Variants in L3MBTL4 observed in about 807,000 individuals in gnomAD.
L3MBTL4 encodes L3MBTL histone methyl-lysine binding protein 4.
L3MBTL4 carries 70 observed loss-of-function variants against 84.5 expected under a neutral mutation model. That is an observed-to-expected ratio of 0.83 (90% CI 0.68 to 1.01). L3MBTL4 has a LOEUF of 1.01. Ranked by LOEUF, L3MBTL4 falls within the 50% of genes least tolerant of loss-of-function variation. The pLI, the probability that L3MBTL4 is intolerant of heterozygous loss-of-function variation, is 0.00. For missense variants in L3MBTL4, 715 were observed against 754.8 expected, an observed-to-expected ratio of 0.95 and a Z score of 0.62; for synonymous variants, 274 against 259.8, an observed-to-expected ratio of 1.05 and a Z score of -0.52.
intron 16 of L3MBTL4, among the ~76,000 whole-genome samples, chr18:6,053,570 T>C (rs981454274): frequency 5.9e-5 from 9 of 152,238 alleles, no homozygotes; most frequent in Admixed American, 2.0e-4. Context: ...TAATGGCCTG[T>C]TCACTAATAG....
chr18:6,313,125 C>T (rs2050917411), intron 1 of L3MBTL4, among the ~76,000 whole-genome samples: 1 of 152,166 alleles, frequency 6.6e-6, no homozygotes. Context: ...ATATGCCTCC[C>T]TTTATGAGGC....
At chr18:6,126,136 A>C (rs1598835490) in intron 14 of L3MBTL4, among the ~76,000 whole-genome samples, 2 of 152,334 alleles carry the variant, frequency 1.3e-5, no homozygotes, top group South Asian at 4.1e-4. Context: ...TATGTGGAAA[A>C]AAACAAAAAA....
intron 16 of L3MBTL4, among the ~76,000 whole-genome samples, chr18:5,990,765 ATGTGGG>A (rs1451939796): frequency 1.4e-3 from 190 of 131,048 alleles, no homozygotes; most frequent in African/African-American, 5.6e-3. Flanking sequence ...AGTAGGGTTC[ATGTGGG>A]TGTGTGTGTG....
chr18:6,071,854 G>A (rs2057668838), intron 16 of L3MBTL4, among the ~76,000 whole-genome samples: 1 of 151,286 alleles, frequency 6.6e-6, no homozygotes. Flanking sequence ...GAGAGAGGGA[G>A]GGAGGGAGGA....
chr18:6,066,882 T>C (rs2057417446), intron 16 of L3MBTL4, among the ~76,000 whole-genome samples: 1 of 152,086 alleles, frequency 6.6e-6, no homozygotes, highest in South Asian at 2.1e-4. Flanking sequence ...TGTGAGGTAC[T>C]GTTCTAGTGA....
chr18:6,345,215 C>CAAAAAAAAA (rs35502624), intron 1 of L3MBTL4, among the ~76,000 whole-genome samples: 45 of 38,310 alleles, frequency 1.2e-3, no homozygotes, highest in South Asian at 2.4e-3. Flanking sequence ...TACTAAAATA[C>CAAAAAAAAA]AAAAAAAAAA....
At chr18:6,329,353 T>A (rs2051902864) in intron 1 of L3MBTL4, among the ~76,000 whole-genome samples, 1 of 151,640 alleles carries the variant, frequency 6.6e-6, no homozygotes, top group Non-Finnish European at 1.5e-5. Flanking sequence ...CGGGGTTTCA[T>A]CCTGTTAGCC....
At chr18:6,398,217 C>T (rs1052709095) in intron 1 of L3MBTL4, among the ~76,000 whole-genome samples, 8 of 152,162 alleles carry the variant, frequency 5.3e-5, no homozygotes, top group African/African-American at 1.2e-4. Flanking sequence ...TATAAGCTCA[C>T]GTATAGTTTT....
chr18:6,276,933 T>A (rs553278806), intron 4 of L3MBTL4, among the ~76,000 whole-genome samples: 53 of 152,006 alleles, frequency 3.5e-4, no homozygotes, highest in Non-Finnish European at 6.8e-4. Context: ...GAATTATACA[T>A]CCAATGAAAA....
At chr18:6,181,108 G>C (rs2044451262) in intron 12 of L3MBTL4, among the ~76,000 whole-genome samples, 1 of 152,038 alleles carries the variant, frequency 6.6e-6, no homozygotes, top group Non-Finnish European at 1.5e-5. Context: ...AGGTAGGACT[G>C]GGGAATTACT....
In L3MBTL4 at chr18:6,259,614, T is replaced by C. The variant is rs570011046; in HGVS notation, c.219+4333A>G. 2.0e-5 allele frequency: 3 copies of C among 152,270 alleles called. No homozygotes were observed. In the East Asian group the frequency reaches 5.8e-4, roughly 29 times the overall value. The allele number at this position is 152,270 out of a possible 1,614,324, so 9.4% of individuals were successfully genotyped here. Reference sequence around the variant, plus strand: ...TCCTTCTCCATCTCCTTCATTCTTCTTTTGCCCATTTTTAATGGGTTAATT... The same window carrying C: ...TCCTTCTCCATCTCCTTCATTCTTCCTTTGCCCATTTTTAATGGGTTAATT... On this transcript the variant is annotated intron_variant, in intron 5 of 18. Coordinates refer to ENST00000317931, the MANE Select transcript of L3MBTL4 (RefSeq NM_001330559.2).
intron 12 of L3MBTL4, among the ~76,000 whole-genome samples, chr18:6,193,599 G>C (rs187961442): frequency 6.6e-6 from 1 of 152,200 alleles, no homozygotes; most frequent in Admixed American, 6.5e-5. Context: ...AGAGTTGAAC[G>C]GTGACCTTGC....
Position 6,243,365 on chromosome 18 carries a change from T to C in L3MBTL4, c.389A>G (p.Asn130Ser), listed in dbSNP as rs962069940. The stretch of plus-strand genomic sequence containing the variant: ...TGGATGAATGTCAGGGGAACCAGCA[T>C]TGGTCCAAAAATCATAGCAACTTAA... The part of the protein sequence containing the change: ...GYLSCYDFWT[N>S]AGSPDIHPVG... Residue 130 changes from asparagine to serine, a missense_variant, in exon 7 of 19, where the codon AAT becomes AGT. By Grantham distance (46) the Asn-to-Ser change is conservative. Transcript: ENST00000317931. The C allele has an allele frequency of 1.2e-6, 2 of 1,606,972 alleles. No individual in the cohort carries two copies. Among genetic ancestry groups the C allele is most frequent in the East Asian group, 2.2e-5 (1 of 44,694 alleles).
chr18:6,196,313 A>G (rs576741989), intron 12 of L3MBTL4, among the ~76,000 whole-genome samples: 8 of 151,588 alleles, frequency 5.3e-5, no homozygotes, highest in Non-Finnish European at 7.4e-5. Flanking sequence ...GCCCGCCACC[A>G]CGCCCGTCTA....
intron 4 of L3MBTL4, among the ~76,000 whole-genome samples, chr18:6,265,340 G>A (rs1336866290): frequency 6.6e-6 from 1 of 152,102 alleles, no homozygotes; most frequent in Non-Finnish European, 1.5e-5. Flanking sequence ...CTGGCAAAAA[G>A]GATTAATAGT....
At chr18:6,155,677 T>C (rs777088415) in intron 13 of L3MBTL4, among the ~76,000 whole-genome samples, 2 of 152,194 alleles carry the variant, frequency 1.3e-5, no homozygotes, top group Non-Finnish European at 2.9e-5. Context: ...AAAAGTAACA[T>C]AAAAGCCAAA....
chr18:6,174,724 CTGGTG>C (rs1399327832), intron 12 of L3MBTL4, among the ~76,000 whole-genome samples: 1 of 151,834 alleles, frequency 6.6e-6, no homozygotes, highest in Non-Finnish European at 1.5e-5. Context: ...CAAAAATCAG[CTGGTG>C]TGGTGATGCA....
chr18:6,269,533 G>C (rs1599419127), intron 4 of L3MBTL4, among the ~76,000 whole-genome samples: 1 of 152,064 alleles, frequency 6.6e-6, no homozygotes, highest in African/African-American at 2.4e-5. Context: ...CAAAAATTAA[G>C]ATGTTACAAT....
chr18:6,120,148 T>C (rs2059480362), intron 14 of L3MBTL4, among the ~76,000 whole-genome samples: 1 of 152,194 alleles, frequency 6.6e-6, no homozygotes, highest in South Asian at 2.1e-4. Context: ...ACTGAGGGCC[T>C]GAAACAGTAC....
Sources: gnomAD v4.1 joint callset for allele counts (sites outside exome capture counted in the v4.1 genomes callset) on GRCh38, gnomAD v4.1.1 for gene constraint, MANE v1.5 for transcripts, NCBI Gene and HGNC (gene_info 2026-07-23, HGNC 2026-07-21) for gene names.